The following MITF variants were observed in gnomAD, a reference collection of about 807,000 sequenced individuals.
The protein encoded by MITF is microphthalmia-associated transcription factor.
MITF carries 17 observed loss-of-function variants against 60.5 expected under a neutral mutation model. That is an observed-to-expected ratio of 0.28 (90% CI 0.19 to 0.42). The LOEUF (loss-of-function observed/expected upper bound fraction) is 0.42, where lower values mean the gene tolerates loss of function less well. Among genes scored for constraint, MITF ranks in the 10% least tolerant of loss-of-function variants. The probability of loss-of-function intolerance (pLI) is 1.00; values close to 1 mark genes in which losing one functional copy is unlikely to be tolerated. For missense variants in MITF, 622 were observed against 683.5 expected (o/e 0.91, Z 1.00); for synonymous variants, 260 against 248.5 (o/e 1.05, Z -0.43).
chr3:69,916,992 CAT>C (rs1042694654), intron 2 of MITF, among the ~76,000 whole-genome samples: 5 of 152,144 alleles, frequency 3.3e-5, no homozygotes, highest in African/African-American at 1.2e-4. Context: ...GTTCATTTGA[CAT>C]ATGTTTAGTG....
chr3:69,885,966 A>G (rs1215007224), intron 2 of MITF, among the ~76,000 whole-genome samples: 3 of 152,132 alleles, frequency 2.0e-5, no homozygotes, highest in Non-Finnish European at 4.4e-5. Flanking sequence ...TGAGGTAGTT[A>G]TTATTAGCAT....
chr3:69,741,056 G>A (rs531709765), intron 1 of MITF, among the ~76,000 whole-genome samples: 52 of 152,336 alleles, frequency 3.4e-4, no homozygotes, highest in Admixed American at 6.5e-4. Context: ...TGCCATTGCT[G>A]AAGACTCTTT....
intron 1 of MITF, among the ~76,000 whole-genome samples, chr3:69,862,044 T>G (rs1435979119): frequency 6.6e-6 from 1 of 151,070 alleles, no homozygotes; most frequent in Non-Finnish European, 1.5e-5. Context: ...ATAGATAATA[T>G]TATATATAGC....
Position 69,967,733 on chromosome 3 carries a change from A to G in MITF, c.*2485A>G, listed in dbSNP as rs1020499321. ...GGTTTTATTTATTTCTTTTTTGCCAAATAGAGTGTGGATTCATTTCAGGGG... is the reference window on the plus strand; with the variant it reads ...GGTTTTATTTATTTCTTTTTTGCCAGATAGAGTGTGGATTCATTTCAGGGG... On this transcript the variant is annotated 3_prime_UTR_variant, in exon 10 of 10. Transcript: ENST00000352241. The G allele has an allele frequency of 8.6e-6, 2 of 232,818 alleles. No individual in the cohort carries two copies. Among genetic ancestry groups the G allele is most frequent in the African/African-American group, 2.2e-5 (1 of 45,296 alleles). The allele number at this position is 232,818 out of a possible 1,614,324, so 14.4% of individuals were successfully genotyped here. A position where few individuals can be genotyped will look rare whatever the true frequency, so the allele number is the denominator to read the frequency against.
At chr3:69,739,763 C>G in intron 1 of MITF, 62 bp downstream of exon 1, 3 of 1,266,048 alleles carry the variant, frequency 2.4e-6, no homozygotes, top group Non-Finnish European at 3.4e-6. Flanking sequence ...GTCTGCCACT[C>G]TGGGGCGAGG....
At chr3:69,936,722 T>TA (rs1312837007) in intron 2 of MITF, 7 of 1,613,614 alleles carry the variant, frequency 4.3e-6, no homozygotes, top group Non-Finnish European at 5.9e-6. Flanking sequence ...AAAACATTGT[T>TA]ATGCTGGAAA....
chr3:69,849,951 A>G lies in MITF; in HGVS notation c.105-29183A>G, dbSNP rs774900714. Among the ~76,000 whole-genome samples the G allele has an allele frequency of 8.5e-5, 13 of 152,330 alleles. No homozygotes were observed. The East Asian group carries it at 9.6e-4, about 11-fold the overall frequency. On this transcript the variant is annotated intron_variant, in intron 1 of 9. Transcript: ENST00000352241. ...TCAAAACTCCATGCAGTTTGTGGTC[A>G]GCTAGTTAAGTATTCCAGGGATTCC...
intron 1 of MITF, among the ~76,000 whole-genome samples, chr3:69,780,128 T>C (rs1018925709): frequency 1.3e-5 from 2 of 152,056 alleles, no homozygotes; most frequent in African/African-American, 4.8e-5. Context: ...CTATAGGGGT[T>C]AAAAGATGAT....
At chr3:69,856,931 G>T (rs957169449) in intron 1 of MITF, among the ~76,000 whole-genome samples, 4 of 151,866 alleles carry the variant, frequency 2.6e-5, no homozygotes, top group East Asian at 1.9e-4. Context: ...CTGTTTTTTT[G>T]TGTGTGTTTT....
At chr3:69,810,325 G>A (rs1191420363) in intron 1 of MITF, among the ~76,000 whole-genome samples, 3 of 152,080 alleles carry the variant, frequency 2.0e-5, no homozygotes, top group Non-Finnish European at 4.4e-5. Context: ...CTTAAATGTG[G>A]TTAATTTTTT....
rs914125410 is a variant in MITF, at chr3:69,907,318, C to A, written c.354+27935C>A. On this transcript the variant is annotated intron_variant, in intron 2 of 9. Coordinates refer to ENST00000352241, the MANE Select transcript of MITF (RefSeq NM_001354604.2). ...TCATGTGGGTTTTAGAGATGGGGCTCTGTGTGTCAAACTGGTTGAATAAAT... is the reference window on the plus strand; with the variant it reads ...TCATGTGGGTTTTAGAGATGGGGCTATGTGTGTCAAACTGGTTGAATAAAT... Among the ~76,000 whole-genome samples, 3 of 152,118 alleles carry A rather than the reference C, an allele frequency of 2.0e-5. No individual in the cohort carries two copies. In the South Asian group the frequency reaches 6.2e-4, roughly 31 times the overall value.
chr3:69,817,950 G>A (rs1463928065), intron 1 of MITF, among the ~76,000 whole-genome samples: 2 of 152,110 alleles, frequency 1.3e-5, no homozygotes, highest in Non-Finnish European at 2.9e-5. Flanking sequence ...TTATACTTAG[G>A]AGTCCAGAAC....
chr3:69,951,803 C>G lies in MITF; in HGVS notation c.881-9C>G, dbSNP rs766938558. ...TTCCAACTTCTAATGACTTCATTCA[C>G]GTGCACAGCGTGTATTTTTCCCACA... On this transcript the variant is annotated splice_polypyrimidine_tract_variant and intron_variant, in intron 6 of 9. Coordinates refer to ENST00000352241, the MANE Select transcript of MITF (RefSeq NM_001354604.2). 169 of 1,611,250 alleles carry G rather than the reference C, an allele frequency of 1.0e-4. No homozygotes were observed. The highest frequency in any genetic ancestry group is 1.3e-4 in the Non-Finnish European group (159 of 1,177,788).
chr3:69,901,223 A>G (rs1470495507), intron 2 of MITF, among the ~76,000 whole-genome samples: 1 of 152,038 alleles, frequency 6.6e-6, no homozygotes, highest in Admixed American at 6.6e-5. Flanking sequence ...CAAAAAAAAA[A>G]AAAAAAAAGA....
intron 1 of MITF, among the ~76,000 whole-genome samples, chr3:69,826,256 A>G (rs1193562133): frequency 6.6e-6 from 1 of 152,138 alleles, no homozygotes; most frequent in Non-Finnish European, 1.5e-5. Flanking sequence ...GCATAGATTA[A>G]TTTTGCCTGT....
intron 3 of MITF, chr3:69,938,588 T>A: frequency 7.3e-7 from 1 of 1,375,360 alleles, no homozygotes; most frequent in Non-Finnish European, 9.4e-7. Flanking sequence ...CTGGATACAT[T>A]CTGTTTCATA....
chr3:69,811,190 C>T (rs916994392), intron 1 of MITF, among the ~76,000 whole-genome samples: 1 of 152,048 alleles, frequency 6.6e-6, no homozygotes, highest in Non-Finnish European at 1.5e-5. Flanking sequence ...TTAAAAGCTC[C>T]TAAGGTAATT....
intron 1 of MITF, among the ~76,000 whole-genome samples, chr3:69,799,648 C>G (rs1047851298): frequency 2.6e-5 from 4 of 151,350 alleles, no homozygotes; most frequent in African/African-American, 9.7e-5. Flanking sequence ...TTCACACTGT[C>G]TTATTTCTTT....
intron 9 of MITF, among the ~76,000 whole-genome samples, chr3:69,963,680 A>G (rs1016359427): frequency 2.0e-5 from 3 of 152,198 alleles, no homozygotes; most frequent in Non-Finnish European, 4.4e-5. Flanking sequence ...CCAGGCCACA[A>G]TGATGTTCAT....
Sources: allele counts gnomAD v4.1 joint callset (sites outside exome capture counted in the v4.1 genomes callset), GRCh38; gene constraint gnomAD v4.1.1; transcripts MANE v1.5; gene names NCBI Gene and HGNC (gene_info 2026-07-23, HGNC 2026-07-21).